Variants in SORCS2 observed in about 807,000 individuals in gnomAD.
SORCS2 encodes VPS10 domain-containing receptor SorCS2.
SORCS2 carries 100 observed loss-of-function variants against 141.6 expected under a neutral mutation model. The observed-to-expected ratio is 0.71, with a 90% CI of 0.60 to 0.83. SORCS2 has a LOEUF of 0.83. Ranked by LOEUF, SORCS2 falls within the 40% of genes least tolerant of loss-of-function variation. SORCS2 has a pLI of 0.00. For missense variants in SORCS2, 1,646 were observed against 1,560.2 expected, an observed-to-expected ratio of 1.05 and a Z score of -0.93; for synonymous variants, 789 against 676.9, an observed-to-expected ratio of 1.17 and a Z score of -2.57.
chr4:7,608,630 G>A (rs1424889964), intron 3 of SORCS2, among the ~76,000 whole-genome samples: 1 of 152,184 alleles, frequency 6.6e-6, no homozygotes, highest in Non-Finnish European at 1.5e-5. Flanking sequence ...TCAGTGACAG[G>A]GACAGAGGCA....
intron 1 of SORCS2, among the ~76,000 whole-genome samples, chr4:7,206,068 CAAAAAACAAAAAA>C (rs1423002529): frequency 1.3e-5 from 2 of 151,972 alleles, no homozygotes; most frequent in East Asian, 3.9e-4. Context: ...AAAACAAAAA[CAAAAAACAAAAAA>C]ACAAAAACAC....
intron 1 of SORCS2, chr4:7,382,048 C>T (rs930180164): frequency 1.2e-5 from 11 of 927,676 alleles, no homozygotes; most frequent in African/African-American, 3.6e-5. Context: ...GATGGGACCT[C>T]GTTCGGGAAA....
intron 1 of SORCS2, among the ~76,000 whole-genome samples, chr4:7,347,914 A>G (rs1026194863): frequency 2.0e-5 from 3 of 152,214 alleles, no homozygotes; most frequent in Admixed American, 6.5e-5. Context: ...CATTATTACA[A>G]TGTCTGCACT....
intron 2 of SORCS2, among the ~76,000 whole-genome samples, chr4:7,479,261 G>C (rs1394625155): frequency 2.6e-5 from 4 of 151,934 alleles, no homozygotes; most frequent in Non-Finnish European, 4.4e-5. Context: ...GCTAACCAGG[G>C]AAGCTCAGCT....
intron 1 of SORCS2, among the ~76,000 whole-genome samples, chr4:7,273,771 G>C (rs956867119): frequency 1.3e-5 from 2 of 152,222 alleles, no homozygotes; most frequent in East Asian, 3.9e-4. Context: ...TCTGTCATTA[G>C]AAAGCTCTGT....
chr4:7,473,872 A>G (rs909784415), intron 2 of SORCS2, among the ~76,000 whole-genome samples: 6 of 152,206 alleles, frequency 3.9e-5, no homozygotes, highest in African/African-American at 1.4e-4. Context: ...GGGGTTCCCC[A>G]TGCCCACTTC....
chr4:7,512,031 A>G (rs1732687431), intron 2 of SORCS2, among the ~76,000 whole-genome samples: 1 of 152,210 alleles, frequency 6.6e-6, no homozygotes, highest in Admixed American at 6.5e-5. Context: ...CCTGCGCAAT[A>G]CACAGACAGC....
chr4:7,411,025 G>T (rs145207638), intron 2 of SORCS2, among the ~76,000 whole-genome samples: 1 of 127,344 alleles, frequency 7.9e-6, no homozygotes, highest in Non-Finnish European at 1.6e-5. Context: ...GTGTGATCTC[G>T]ACTCACCGCA....
chr4:7,663,937 G>T lies in SORCS2; in HGVS notation c.953-416G>T, dbSNP rs1488340097. 6.6e-6 allele frequency among the ~76,000 whole-genome samples: 1 copy of T among 152,196 alleles called. No individual in the cohort carries two copies. Among genetic ancestry groups the T allele is most frequent in the African/African-American group, 2.4e-5 (1 of 41,444 alleles). On this transcript the variant is annotated intron_variant, in intron 6 of 26. Coordinates refer to ENST00000507866, the MANE Select transcript of SORCS2 (RefSeq NM_020777.3). The surrounding 1 kb of genome is among the most constrained non-coding windows in gnomAD (Gnocchi z 4.8). ...AGTATTGCTCAACCATAAATATTTG[G>T]AAAAGGGTAGAAGCAGTTGCTTAAA... is the stretch of plus-strand genomic sequence containing the variant.
chr4:7,706,269 C>T (rs147447133), intron 14 of SORCS2, among the ~76,000 whole-genome samples: 3,172 of 61,276 alleles, frequency 0.052, 68 homozygotes, highest in East Asian at 0.23. Flanking sequence ...GGCTGGGCTC[C>T]GCCTGGGCAG....
intron 3 of SORCS2, among the ~76,000 whole-genome samples, chr4:7,614,831 C>T (rs142895796): frequency 1.3e-3 from 203 of 151,884 alleles, no homozygotes; most frequent in African/African-American, 4.8e-3. Flanking sequence ...TCCATTCATC[C>T]ATCCATCCAT....
intron 3 of SORCS2, among the ~76,000 whole-genome samples, chr4:7,578,914 C>T (rs549118846): frequency 1.2e-4 from 18 of 152,342 alleles, no homozygotes; most frequent in African/African-American, 4.3e-4. Context: ...TACTACTTCT[C>T]ACTACTTCCG....
At chr4:7,481,448 C>T (rs1577635768) in intron 2 of SORCS2, among the ~76,000 whole-genome samples, 1 of 152,244 alleles carries the variant, frequency 6.6e-6, no homozygotes. Flanking sequence ...GGCCGGGAGG[C>T]CCAGGAAACC....
intron 1 of SORCS2, among the ~76,000 whole-genome samples, chr4:7,346,977 A>G (rs1002443383): frequency 6.6e-6 from 1 of 152,226 alleles, no homozygotes; most frequent in Non-Finnish European, 1.5e-5. Context: ...GACTATACAT[A>G]CATAGTAGTA....
Position 7,664,088 on chromosome 4 carries a change from A to T in SORCS2, c.953-265A>T, listed in dbSNP as rs528964379. On this transcript the variant is annotated intron_variant, in intron 6 of 26. Transcript: ENST00000507866. The surrounding 1 kb of genome is among the most constrained non-coding windows in gnomAD (Gnocchi z 4.7). ...GAGGTACCCACCGTCGCCTGTGCTG[A>T]CCCCTCCTGCAGGGGATGGCAGGCT... Among the ~76,000 whole-genome samples, 45 of 151,840 alleles carry T rather than the reference A, an allele frequency of 3.0e-4. No homozygotes were observed. The highest frequency in any genetic ancestry group is 9.2e-4 in the Admixed American group (14 of 15,240).
chr4:7,371,604 A>T (rs1010180077), intron 1 of SORCS2, among the ~76,000 whole-genome samples: 1 of 152,090 alleles, frequency 6.6e-6, no homozygotes, highest in African/African-American at 2.4e-5. Context: ...GAGCCAGCAC[A>T]CTGTGACATG....
intron 1 of SORCS2, among the ~76,000 whole-genome samples, chr4:7,194,386 T>A (rs1325133822): frequency 6.6e-6 from 1 of 152,098 alleles, no homozygotes; most frequent in Non-Finnish European, 1.5e-5. Context: ...CCAGCTGTGA[T>A]TTGTGCTGGA....
At chr4:7,621,531 G>A (rs1325354195) in intron 3 of SORCS2, among the ~76,000 whole-genome samples, 3 of 151,822 alleles carry the variant, frequency 2.0e-5, no homozygotes, top group African/African-American at 4.8e-5. Context: ...GTGTGTCTAT[G>A]TGTGAGTATG....
At chr4:7,470,471 G>A (rs1333064779) in intron 2 of SORCS2, among the ~76,000 whole-genome samples, 1 of 152,232 alleles carries the variant, frequency 6.6e-6, no homozygotes, top group Non-Finnish European at 1.5e-5. Flanking sequence ...GGGATGGACA[G>A]CTGCATGGGT....
Sources: gnomAD v4.1 joint callset for allele counts (sites outside exome capture counted in the v4.1 genomes callset) on GRCh38, gnomAD v4.1.1 for gene constraint, Gnocchi (gnomAD v3.1) non-coding constraint, MANE v1.5 for transcripts, NCBI Gene and HGNC (gene_info 2026-07-23, HGNC 2026-07-21) for gene names.